CLDN16: variants seen among roughly 807,000 people sequenced by gnomAD.
CLDN16 encodes claudin 16, also known as claudin-16.
CLDN16 carries 13 observed loss-of-function variants against 24.6 expected under a neutral mutation model. The observed-to-expected ratio is 0.53, with a 90% CI of 0.34 to 0.84. The LOEUF (loss-of-function observed/expected upper bound fraction) is 0.84. CLDN16 is among the 40% of genes least tolerant of loss of function. CLDN16 has a pLI of 0.01. For synonymous variants in CLDN16, 116 were observed against 106.7 expected, an observed-to-expected ratio of 1.09 and a Z score of -0.54; for missense variants, 298 against 292.7, an observed-to-expected ratio of 1.02 and a Z score of -0.13.
At chr3:190,310,432 A>C in the CLDN16 span, among the ~76,000 whole-genome samples, 247 of 152,320 alleles carry the variant, frequency 1.6e-3, no homozygotes, top group African/African-American at 5.7e-3. Context: ...TATCTATTAA[A>C]ATATAAAAAA....
intron 1 of CLDN16, among the ~76,000 whole-genome samples, chr3:190,402,128 G>T (rs1718978069): frequency 6.6e-6 from 1 of 152,144 alleles, no homozygotes; most frequent in Non-Finnish European, 1.5e-5. Context: ...TGAGGAAGTG[G>T]ATTCATTTCC....
chr3:190,392,297 T>C (rs1718699955), intron 1 of CLDN16, among the ~76,000 whole-genome samples: 1 of 152,030 alleles, frequency 6.6e-6, no homozygotes, highest in African/African-American at 2.4e-5. Context: ...CCTCTCTCTT[T>C]TCCTCCCTTT....
chr3:190,354,701 G>A (rs899880045), intron 1 of CLDN16, among the ~76,000 whole-genome samples: 5 of 152,024 alleles, frequency 3.3e-5, no homozygotes, highest in Non-Finnish European at 5.9e-5. Flanking sequence ...CCAAGCCTAG[G>A]ACTACTTGAA....
chr3:190,379,043 T>C (rs969517398), intron 3 of CLDN16, among the ~76,000 whole-genome samples: 2 of 152,122 alleles, frequency 1.3e-5, no homozygotes, highest in African/African-American at 4.8e-5. Context: ...GCTATAGACC[T>C]TTGAAAATTT....
chr3:190,313,209 C>T, the CLDN16 span: 1 of 634,108 alleles, frequency 1.6e-6, no homozygotes, highest in Non-Finnish European at 2.7e-6. Flanking sequence ...AGTATCTTCT[C>T]CAGAAAAACA....
the CLDN16 span, among the ~76,000 whole-genome samples, chr3:190,304,482 GA>G: frequency 2.6e-5 from 4 of 152,080 alleles, no homozygotes; most frequent in African/African-American, 9.7e-5. Context: ...GACCATATTG[GA>G]AAACTTATCA....
At chr3:190,394,205 T>A (rs1718757644) in intron 1 of CLDN16, among the ~76,000 whole-genome samples, 1 of 152,188 alleles carries the variant, frequency 6.6e-6, no homozygotes, top group South Asian at 2.1e-4. Context: ...AACTACAAGA[T>A]ATGCAATTCT....
chr3:190,320,208 T>C (rs1716882433), upstream of CLDN16, among the ~76,000 whole-genome samples: 1 of 152,204 alleles, frequency 6.6e-6, no homozygotes, highest in African/African-American at 2.4e-5. Context: ...ACAACATAGA[T>C]CAATCTGATT....
chr3:190,359,507 G>A (rs929195385), intron 1 of CLDN16, among the ~76,000 whole-genome samples: 1 of 151,956 alleles, frequency 6.6e-6, no homozygotes, highest in Non-Finnish European at 1.5e-5. Context: ...ATTTTTTGAT[G>A]TTTCTTATCC....
intron 1 of CLDN16, among the ~76,000 whole-genome samples, chr3:190,338,163 G>A (rs183347957): frequency 3.2e-4 from 49 of 152,246 alleles, no homozygotes; most frequent in Admixed American, 3.1e-3. Context: ...AGGAGATGTT[G>A]TATTGCCTGT....
intron 1 of CLDN16, among the ~76,000 whole-genome samples, chr3:190,342,077 T>C (rs112972071): frequency 0.039 from 5,957 of 152,290 alleles, 384 homozygotes; most frequent in African/African-American, 0.13. Flanking sequence ...CCAAACTTTC[T>C]CACATCTTCC....
chr3:190,312,186 C>A, the CLDN16 span, among the ~76,000 whole-genome samples: 1 of 152,054 alleles, frequency 6.6e-6, no homozygotes, highest in African/African-American at 2.4e-5. Flanking sequence ...CCTCCTCAGC[C>A]TCCAAAAGTG....
At chr3:190,340,741 C>T (rs2108629114) in intron 1 of CLDN16, among the ~76,000 whole-genome samples, 1 of 152,292 alleles carries the variant, frequency 6.6e-6, no homozygotes, top group Non-Finnish European at 1.5e-5. Context: ...TCCAAAATCT[C>T]ATCTGAGACA....
rs745420355 is a variant in CLDN16 at position 190,404,868 on chromosome 3, T to A, written c.324T>A (p.Asp108Glu). ...TTGACTGCGTGAAATTCCTCCCTGA[T>A]GAGCCGTACATTAAAGTCCGCATCT... ...LGLDCVKFLP[D>E]EPYIKVRICF... The change falls in exon 3 of 5, where the codon GAT becomes GAA. Residue 108 changes from aspartate (D) to glutamate (E), a missense_variant. By Grantham distance (45) the Asp-to-Glu change is conservative. Transcript: ENST00000264734. 6.2e-7 allele frequency: 1 copy of A among 1,614,178 alleles called. No individual in the cohort carries two copies. The highest frequency in any genetic ancestry group is 1.1e-5 in the South Asian group (1 of 91,080).
intron 1 of CLDN16, among the ~76,000 whole-genome samples, chr3:190,329,426 C>T (rs1309718449): frequency 6.6e-6 from 1 of 152,176 alleles, no homozygotes; most frequent in African/African-American, 2.4e-5. Flanking sequence ...AAGAATGACT[C>T]TTATTCCCTA....
chr3:190,310,655 T>C, the CLDN16 span, among the ~76,000 whole-genome samples: 1 of 152,248 alleles, frequency 6.6e-6, no homozygotes. Context: ...AAAACTCTTC[T>C]ATGTTCTTGA....
rs146015222 is a variant in CLDN16, at chr3:190,375,678, T to A, written n.306+1075T>A. Among the ~76,000 whole-genome samples, 514 of 152,084 alleles carry A rather than the reference T, an allele frequency of 3.4e-3. 3 individuals carry two copies. The highest frequency in any genetic ancestry group is 0.012 in the African/African-American group (500 of 41,538). ...CTCTTTATTAAACATTTACTGTTGA[T>A]CCCAGTTTGTTTCCTTTGAGTCTCC... On this transcript the variant is annotated intron_variant and non_coding_transcript_variant, in intron 3 of 4. Transcript: ENST00000468220.
At chr3:190,317,958 T>C (rs780867873), upstream of CLDN16, among the ~76,000 whole-genome samples, 3 of 152,204 alleles carry the variant, frequency 2.0e-5, no homozygotes. Flanking sequence ...GATGATTGGG[T>C]GACTAGAACA....
intron 3 of CLDN16, among the ~76,000 whole-genome samples, chr3:190,380,142 TTTCTTCCTTCCCTC>T (rs767098759): frequency 0.01 from 96 of 9,320 alleles, 5 homozygotes; most frequent in African/African-American, 0.032. Flanking sequence ...CTTCCTTCCT[TTTCTTCCTTCCCTC>T]CCTTCCTTCC....
Sources: allele counts gnomAD v4.1 joint callset (sites outside exome capture counted in the v4.1 genomes callset), GRCh38; gene constraint gnomAD v4.1.1; transcripts MANE v1.5; gene names NCBI Gene and HGNC (gene_info 2026-07-23, HGNC 2026-07-21).